IGSF21: variants seen among roughly 807,000 people sequenced by gnomAD.
IGSF21 encodes immunoglobulin superfamily member 21.
Under a neutral mutation model 46.8 loss-of-function variants are expected in IGSF21, and 28 were observed. The ratio of observed to expected loss-of-function variants is 0.60; its 90% CI spans 0.44 to 0.82. The LOEUF is 0.82. IGSF21 is among the 40% of genes least tolerant of loss of function. The probability of loss-of-function intolerance (pLI) is 0.00; values close to 1 mark genes in which losing one functional copy is unlikely to be tolerated. For synonymous variants in IGSF21, 284 were observed against 273.6 expected (o/e 1.04, Z -0.38); for missense variants, 624 against 665.5 (o/e 0.94, Z 0.69).
At chr1:18,123,487 C>T (rs1255589416) in intron 1 of IGSF21, among the ~76,000 whole-genome samples, 1 of 152,202 alleles carries the variant, frequency 6.6e-6, no homozygotes, top group Non-Finnish European at 1.5e-5. Flanking sequence ...TTCATAGTCT[C>T]TTGGGGCTGA....
rs955662478 is a variant in IGSF21 at position 18,365,795 on chromosome 1, G to C, written c.1015+98G>C. ...CCTGGGCTGAGGACAGCCATGGAAA[G>C]GGGGAGGAGATGGAGCAAACTGGAG... On this transcript the variant is annotated intron_variant, in intron 6 of 9. Transcript: ENST00000251296. The surrounding 1 kb of genome is among the most constrained non-coding windows in gnomAD (Gnocchi z 4.8). 6.7e-6 allele frequency: 7 copies of C among 1,046,296 alleles called. No individual in the cohort carries two copies. The highest frequency in any genetic ancestry group is 4.8e-5 in the African/African-American group (3 of 61,992). The allele number at this position is 1,046,296 out of a possible 1,614,324, so 64.8% of individuals were successfully genotyped here. A position where few individuals can be genotyped will look rare whatever the true frequency, so the allele number is the denominator to read the frequency against.
intron 1 of IGSF21, among the ~76,000 whole-genome samples, chr1:18,126,849 C>T (rs1217910729): frequency 6.6e-6 from 1 of 152,156 alleles, no homozygotes; most frequent in African/African-American, 2.4e-5. Context: ...CCATCCTCCA[C>T]CCCTACCACC....
At chr1:18,239,020 C>A (rs1227033913) in intron 2 of IGSF21, among the ~76,000 whole-genome samples, 1 of 152,138 alleles carries the variant, frequency 6.6e-6, no homozygotes, top group Non-Finnish European at 1.5e-5. Flanking sequence ...GGTCAGGGCA[C>A]CCCCCAGCTG....
chr1:18,272,422 C>T (rs1263753420), intron 2 of IGSF21, among the ~76,000 whole-genome samples: 2 of 152,338 alleles, frequency 1.3e-5, no homozygotes, highest in South Asian at 4.1e-4. Context: ...TCAGTTTCCT[C>T]ATCTGCGTGG....
intron 1 of IGSF21, among the ~76,000 whole-genome samples, chr1:18,199,709 C>T (rs563241382): frequency 6.6e-6 from 1 of 152,262 alleles, no homozygotes; most frequent in African/African-American, 2.4e-5. Flanking sequence ...CCCTATCTCT[C>T]ACCTCGGCTG....
In IGSF21 at chr1:18,334,205, C is replaced by T. The variant is rs1443513676; in HGVS notation, c.306-687C>T. Among the ~76,000 whole-genome samples, 1 of 152,164 alleles carries T rather than the reference C, an allele frequency of 6.6e-6. No individual in the cohort carries two copies. The highest frequency in any genetic ancestry group is 1.5e-5 in the Non-Finnish European group (1 of 68,032). ...CTCAGAGGTGGAAGTGGCTGCTCCC[C>T]AACCTGAGCTCAGATAAGCTCACGC... On this transcript the variant is annotated intron_variant, in intron 3 of 9. Transcript: ENST00000251296. This position sits in a 1 kb window ranked among gnomAD's most constrained non-coding sequence, Gnocchi z 4.3.
intron 3 of IGSF21, among the ~76,000 whole-genome samples, chr1:18,309,815 C>G (rs2085465290): frequency 6.6e-6 from 1 of 152,162 alleles, no homozygotes; most frequent in Admixed American, 6.5e-5. Context: ...CGGAGCAGGA[C>G]CGGCAGAGTG....
chr1:18,275,112 C>A (rs1187259900), intron 2 of IGSF21, among the ~76,000 whole-genome samples: 1 of 152,180 alleles, frequency 6.6e-6, no homozygotes, highest in African/African-American at 2.4e-5. Flanking sequence ...TTCTTAAAAA[C>A]CGATTACAAA....
chr1:18,145,172 G>A (rs1446008092), intron 1 of IGSF21, among the ~76,000 whole-genome samples: 1 of 151,428 alleles, frequency 6.6e-6, no homozygotes, highest in African/African-American at 2.4e-5. Flanking sequence ...ACAGGGAACC[G>A]TGGAGGGAAA....
At chr1:18,135,810 A>G (rs536509364) in intron 1 of IGSF21, among the ~76,000 whole-genome samples, 1 of 152,166 alleles carries the variant, frequency 6.6e-6, no homozygotes. Flanking sequence ...TGGCATTTCT[A>G]GTTCTAGATC....
At chr1:18,308,488 C>T (rs77319329) in intron 3 of IGSF21, among the ~76,000 whole-genome samples, 7 of 152,292 alleles carry the variant, frequency 4.6e-5, no homozygotes, top group African/African-American at 9.6e-5. Context: ...AGCACCTGTA[C>T]GGTTTAAATA....
At chr1:18,164,823 T>G (rs1004120187) in intron 1 of IGSF21, among the ~76,000 whole-genome samples, 12 of 151,788 alleles carry the variant, frequency 7.9e-5, no homozygotes, top group African/African-American at 2.2e-4. Context: ...CCATGTTGGT[T>G]TGCTGCACCC....
At chr1:18,266,526 A>G (rs2084991270) in intron 2 of IGSF21, among the ~76,000 whole-genome samples, 1 of 152,238 alleles carries the variant, frequency 6.6e-6, no homozygotes, top group African/African-American at 2.4e-5. Context: ...CTGGGACAAC[A>G]GGAGTGACCA....
At chr1:18,155,247 C>T (rs1055311004) in intron 1 of IGSF21, among the ~76,000 whole-genome samples, 10 of 152,252 alleles carry the variant, frequency 6.6e-5, no homozygotes, top group Admixed American at 2.6e-4. Context: ...ACACCTGGCA[C>T]CCAGCACGGG....
At chr1:18,137,598 G>A (rs991824002) in intron 1 of IGSF21, among the ~76,000 whole-genome samples, 1 of 152,136 alleles carries the variant, frequency 6.6e-6, no homozygotes, top group South Asian at 2.1e-4. Context: ...TCCCTCCTTT[G>A]TACAGTGCAG....
intron 1 of IGSF21, among the ~76,000 whole-genome samples, chr1:18,188,756 C>T (rs2086927615): frequency 6.6e-6 from 1 of 152,230 alleles, no homozygotes; most frequent in African/African-American, 2.4e-5. Context: ...TCCCCATATA[C>T]ACATGGAAAT....
At chr1:18,207,865 T>G (rs1459288344) in intron 1 of IGSF21, among the ~76,000 whole-genome samples, 1 of 152,184 alleles carries the variant, frequency 6.6e-6, no homozygotes, top group Non-Finnish European at 1.5e-5. Flanking sequence ...AGCCAGTGCA[T>G]GAATCAATGT....
chr1:18,141,694 C>A (rs894848916), intron 1 of IGSF21, among the ~76,000 whole-genome samples: 1 of 152,156 alleles, frequency 6.6e-6, no homozygotes, highest in African/African-American at 2.4e-5. Flanking sequence ...TTTGTAAAGA[C>A]GGGGACAATA....
At chr1:18,274,040 C>T (rs1242234311) in intron 2 of IGSF21, among the ~76,000 whole-genome samples, 1 of 152,162 alleles carries the variant, frequency 6.6e-6, no homozygotes, top group Admixed American at 6.5e-5. Flanking sequence ...GTCAGGGGCT[C>T]ACATGGTCCA....
Sources: gnomAD v4.1 joint callset for allele counts (sites outside exome capture counted in the v4.1 genomes callset) on GRCh38, gnomAD v4.1.1 for gene constraint, Gnocchi (gnomAD v3.1) non-coding constraint, MANE v1.5 for transcripts, NCBI Gene and HGNC (gene_info 2026-07-23, HGNC 2026-07-21) for gene names.